The following GNA14 variants were observed in gnomAD, a reference collection of about 807,000 sequenced individuals.
GNA14 encodes the protein guanine nucleotide-binding protein subunit alpha-14.
In GNA14, 50 loss-of-function variants were observed where a neutral mutation model predicts 42.0. The observed-to-expected ratio is 1.19, with a 90% confidence interval of 0.95 to 1.51. The LOEUF (loss-of-function observed/expected upper bound fraction) is 1.51, where lower values mean the gene tolerates loss of function less well. Among genes scored for constraint, GNA14 ranks in the 40% most tolerant of loss-of-function variants. The probability of loss-of-function intolerance (pLI) is 0.00; values close to 1 mark genes in which losing one functional copy is unlikely to be tolerated. For missense variants in GNA14, 473 were observed against 446.2 expected, an observed-to-expected ratio of 1.06 and a Z score of -0.54; for synonymous variants, 173 against 163.1, an observed-to-expected ratio of 1.06 and a Z score of -0.46.
chr9:77,636,481 T>C (rs944976381), intron 1 of GNA14, among the ~76,000 whole-genome samples: 2 of 152,228 alleles, frequency 1.3e-5, no homozygotes, highest in African/African-American at 4.8e-5. Context: ...AAGGAATACC[T>C]GAGGCTGGGT....
chr9:77,549,711 C>T lies in GNA14; in HGVS notation c.125-20458G>A, dbSNP rs758204527. On this transcript the variant is annotated intron_variant, in intron 1 of 6. Transcript: ENST00000341700. Reference sequence around the variant, plus strand: ...GGCTCTCCTATTCTGGGGCTCTTGGCGCCACCCTAAGAGTTGGGGAAAAGA... The same window carrying T: ...GGCTCTCCTATTCTGGGGCTCTTGGTGCCACCCTAAGAGTTGGGGAAAAGA... Among the ~76,000 whole-genome samples, 55 of 152,104 alleles carry T rather than the reference C, an allele frequency of 3.6e-4. 1 individual carries two copies. Among genetic ancestry groups the T allele is most frequent in the Non-Finnish European group, 1.0e-4 (7 of 68,014 alleles).
chr9:77,435,189 T>C (rs1835623983), intron 2 of GNA14, among the ~76,000 whole-genome samples: 1 of 151,650 alleles, frequency 6.6e-6, no homozygotes, highest in African/African-American at 2.4e-5. Flanking sequence ...AAACCCCATC[T>C]CTACTAAAAA....
chr9:77,641,492 A>T (rs1218347021), intron 1 of GNA14, among the ~76,000 whole-genome samples: 1 of 151,820 alleles, frequency 6.6e-6, no homozygotes. Context: ...GCACGTATCC[A>T]GTGTTCCAGC....
intron 1 of GNA14, among the ~76,000 whole-genome samples, chr9:77,612,871 T>C (rs1357948620): frequency 6.6e-6 from 1 of 152,158 alleles, no homozygotes; most frequent in Admixed American, 6.6e-5. Context: ...TGGGTATTTA[T>C]CCAAAGGAAA....
chr9:77,569,258 T>C (rs1823023101), intron 1 of GNA14, among the ~76,000 whole-genome samples: 1 of 152,112 alleles, frequency 6.6e-6, no homozygotes, highest in Non-Finnish European at 1.5e-5. Context: ...GCTCTTCCCT[T>C]GATCCTGGTT....
chr9:77,526,038 A>AT (rs1312103088), intron 2 of GNA14, among the ~76,000 whole-genome samples: 1 of 150,450 alleles, frequency 6.6e-6, no homozygotes, highest in Non-Finnish European at 1.5e-5. Flanking sequence ...AGTAGCTGGG[A>AT]TTACAAGTGT....
intron 1 of GNA14, among the ~76,000 whole-genome samples, chr9:77,618,912 C>T (rs920759452): frequency 6.6e-6 from 1 of 151,376 alleles, no homozygotes; most frequent in African/African-American, 2.4e-5. Flanking sequence ...GGATTACAGG[C>T]GTGAGCCACC....
chr9:77,427,204 G>T (rs1305672206), intron 5 of GNA14, among the ~76,000 whole-genome samples: 1 of 152,148 alleles, frequency 6.6e-6, no homozygotes, highest in Middle Eastern at 3.2e-3. Context: ...ACTTTGGGCT[G>T]AGATACTGGT....
At chr9:77,582,800 G>T (rs1330859393) in intron 1 of GNA14, among the ~76,000 whole-genome samples, 1 of 152,114 alleles carries the variant, frequency 6.6e-6, no homozygotes, top group Non-Finnish European at 1.5e-5. Context: ...CCTAACATAG[G>T]TCTGTATATC....
At chr9:77,533,432 A>G (rs1837556436) in intron 1 of GNA14, among the ~76,000 whole-genome samples, 1 of 152,190 alleles carries the variant, frequency 6.6e-6, no homozygotes, top group South Asian at 2.1e-4. Flanking sequence ...CTCCTGCCTC[A>G]GCCTCTCAAA....
At chr9:77,646,222 G>A (rs1453248574) in intron 1 of GNA14, among the ~76,000 whole-genome samples, 1 of 152,180 alleles carries the variant, frequency 6.6e-6, no homozygotes, top group Non-Finnish European at 1.5e-5. Context: ...ACATTTCCAA[G>A]CACTTTTACG....
chr9:77,525,540 CT>C (rs780509461), intron 2 of GNA14, among the ~76,000 whole-genome samples: 1,782 of 137,066 alleles, frequency 0.013, 18 homozygotes, highest in African/African-American at 0.036. Context: ...ATGGTTTGTT[CT>C]TTTTTTTTTT....
Position 77,431,459 on chromosome 9 carries a change from A to G in GNA14, c.465-10T>C, listed in dbSNP as rs1156555735. On this transcript the variant is annotated splice_polypyrimidine_tract_variant and intron_variant, in intron 3 of 6. Transcript: ENST00000341700. ...AATGTCAGTCAGGTAACTGTATATT[A>G]GAGAACGAGGAACTGACTCTCCTTT... 5 of 1,598,054 alleles carry G rather than the reference A, an allele frequency of 3.1e-6. No homozygotes were observed. Among genetic ancestry groups the G allele is most frequent in the African/African-American group, 1.3e-5 (1 of 74,810 alleles).
At chr9:77,607,974 G>A (rs1426496652) in intron 1 of GNA14, among the ~76,000 whole-genome samples, 2 of 152,162 alleles carry the variant, frequency 1.3e-5, no homozygotes, top group East Asian at 1.9e-4. Flanking sequence ...TGAATTTGGG[G>A]TAGGGGGAAC....
At chr9:77,488,421 A>C (rs1836697477) in intron 2 of GNA14, among the ~76,000 whole-genome samples, 1 of 152,184 alleles carries the variant, frequency 6.6e-6, no homozygotes, top group African/African-American at 2.4e-5. Flanking sequence ...TGAAAAGATA[A>C]ATATCACTGA....
chr9:77,621,081 A>C (rs1823914689), intron 1 of GNA14, among the ~76,000 whole-genome samples: 1 of 151,906 alleles, frequency 6.6e-6, no homozygotes, highest in Non-Finnish European at 1.5e-5. Context: ...CCACAGGAGC[A>C]TGCCACCATG....
chr9:77,566,145 C>CTTT (rs956489720), intron 1 of GNA14, among the ~76,000 whole-genome samples: 1,837 of 102,132 alleles, frequency 0.018, 12 homozygotes, highest in African/African-American at 0.025. Flanking sequence ...GGGAGTGCTT[C>CTTT]TTTTTTTTTT....
Position 77,647,866 on chromosome 9 carries a change from C to A in GNA14, c.-73G>T. The A allele has an allele frequency of 6.5e-7, 1 of 1,536,358 alleles. No individual in the cohort carries two copies. Among genetic ancestry groups the A allele is most frequent in the Non-Finnish European group, 8.8e-7 (1 of 1,142,098 alleles). ...CGAATCCTCGGCCCGGCCGCTCACC[C>A]GGCCAGCATGCGACGGGCACAGGGG... On this transcript the variant is annotated 5_prime_UTR_variant, in exon 1 of 7. Transcript: ENST00000341700.
chr9:77,468,369 A>G (rs1836273073), intron 2 of GNA14, among the ~76,000 whole-genome samples: 1 of 152,186 alleles, frequency 6.6e-6, no homozygotes. Context: ...GAGAGGGTCT[A>G]CCAAAACCCT....
Sources: allele counts gnomAD v4.1 joint callset (sites outside exome capture counted in the v4.1 genomes callset), GRCh38; gene constraint gnomAD v4.1.1; transcripts MANE v1.5; gene names NCBI Gene and HGNC (gene_info 2026-07-23, HGNC 2026-07-21).